The following ADPRS variants were observed in gnomAD, a reference collection of about 807,000 sequenced individuals.
ADPRS encodes ADP-ribosylhydrolase ARH3.
A neutral mutation model predicts 32.1 loss-of-function variants in ADPRS; 25 were observed. The ratio of observed to expected loss-of-function variants is 0.78; its 90% CI spans 0.57 to 1.09. The LOEUF is 1.09. ADPRS is among the 50% of genes least tolerant of loss of function. The pLI, the probability that ADPRS is intolerant of heterozygous loss-of-function variation, is 0.00. For synonymous variants in ADPRS, 225 were observed against 201.0 expected (o/e 1.12, Z -1.01); for missense variants, 482 against 480.6 (o/e 1.00, Z -0.03).
At chr1:36,091,851 G>C in intron 3 of ADPRS, 26 bp downstream of exon 3, 1 of 1,587,746 alleles carries the variant, frequency 6.3e-7, no homozygotes, top group East Asian at 2.3e-5. Context: ...TGGCTTCTGG[G>C]CTGTCCCCTT....
chr1:36,091,358 G>A lies in ADPRS; in HGVS notation c.308+18G>A, dbSNP rs2124053466. The A allele has an allele frequency of 1.9e-6, 3 of 1,611,964 alleles. No individual in the cohort carries two copies. The highest frequency in any genetic ancestry group is 2.5e-6 in the Non-Finnish European group (3 of 1,178,264). ...GCTCACAGGTGAGGGGGATGGTCCT[G>A]GGCTGAGGCAAACCAGGTGGGAAAG... On this transcript the variant is annotated intron_variant, in intron 2 of 5. Coordinates refer to ENST00000373178, the MANE Select transcript of ADPRS (RefSeq NM_017825.3).
Position 36,092,495 on chromosome 1 carries a change from A to G in ADPRS, c.775A>G (p.Thr259Ala). The G allele has an allele frequency of 6.2e-7, 1 of 1,614,160 alleles. No individual in the cohort carries two copies. Among genetic ancestry groups the G allele is most frequent in the Non-Finnish European group, 8.5e-7 (1 of 1,180,028 alleles). The change falls in exon 5 of 6, where the codon ACC becomes GCC. Residue 259 changes from threonine to alanine, a missense_variant. Thr to Ala is a moderately conservative substitution (Grantham distance 58). Transcript: ENST00000373178. Reference protein sequence around the residue: ...IGELLDQASVTREEVVSELGN... With the variant: ...IGELLDQASVAREEVVSELGN... Reference sequence around the variant, plus strand: ...AGAGCTTCTAGACCAGGCATCGGTGACCAGGGAGGAAGTGGTGTCTGAGCT... The same window carrying G: ...AGAGCTTCTAGACCAGGCATCGGTGGCCAGGGAGGAAGTGGTGTCTGAGCT...
At chr1:36,091,422 T>C in intron 2 of ADPRS, 82 bp downstream of exon 2, 2 of 1,390,620 alleles carry the variant, frequency 1.4e-6, no homozygotes, top group Non-Finnish European at 2.0e-6. Context: ...CATTTGTGCA[T>C]GTCCACGCCC....
chr1:36,091,586 A>G, intron 2 of ADPRS, 32 bp from the exon 3 acceptor site: 1 of 1,546,000 alleles, frequency 6.5e-7, no homozygotes, highest in Non-Finnish European at 8.8e-7. Context: ...CATCTTGTAA[A>G]TCTGAATTCT....
rs1643483322 is a variant in ADPRS, at chr1:36,091,522, G to A, written c.309-96G>A. 1.7e-5 allele frequency: 23 copies of A among 1,326,902 alleles called. No homozygotes were observed. The South Asian group carries it at 2.4e-4, about 14-fold the overall frequency. The allele number at this position is 1,326,902 out of a possible 1,614,324, so 82.2% of individuals were successfully genotyped here. A position where few individuals can be genotyped will look rare whatever the true frequency, so the allele number is the denominator to read the frequency against. On this transcript the variant is annotated intron_variant, in intron 2 of 5. Transcript: ENST00000373178. Reference sequence around the variant, plus strand: ...TGGTGCAGGCTCCTTAGGCCCCCGAGGCTTTCTCTTTTTCCAAACTAGCCT... The same window carrying A: ...TGGTGCAGGCTCCTTAGGCCCCCGAAGCTTTCTCTTTTTCCAAACTAGCCT...
At chr1:36,090,822 C>G (rs1317519333) in intron 1 of ADPRS, among the ~76,000 whole-genome samples, 1 of 151,920 alleles carries the variant, frequency 6.6e-6, no homozygotes, top group African/African-American at 2.4e-5. Context: ...TGCACTGCAG[C>G]TTAGGCAACA....
Position 36,091,226 on chromosome 1 carries a change from T to C in ADPRS, c.212-18T>C. 6.2e-7 allele frequency: 1 copy of C among 1,601,110 alleles called. No homozygotes were observed. The highest frequency in any genetic ancestry group is 2.2e-5 in the East Asian group (1 of 44,752). On this transcript the variant is annotated intron_variant, in intron 1 of 5. Transcript: ENST00000373178. ...AAAGGTGAGCAGGAGGCTCTCATCC[T>C]CCCTCCTCTCCCCACAGAAGCCTTG...
intron 2 of ADPRS, 80 bp from the exon 3 acceptor site, chr1:36,091,537 CA>C: frequency 7.1e-7 from 1 of 1,411,542 alleles, no homozygotes; most frequent in Non-Finnish European, 9.6e-7. Context: ...TCTCTTTTTC[CA>C]AACTAGCCTC....
chr1:36,092,572 C>A (rs372899778), intron 5 of ADPRS, 50 bp downstream of exon 5: 7 of 1,568,494 alleles, frequency 4.5e-6, no homozygotes, highest in South Asian at 1.1e-5. Context: ...CCTTCAGGGT[C>A]GGTCTTGGGC....
chr1:36,092,406 C>T lies in ADPRS; in HGVS notation c.702-16C>T. 1 of 1,613,286 alleles carries T rather than the reference C, an allele frequency of 6.2e-7. No homozygotes were observed. Among genetic ancestry groups the T allele is most frequent in the Non-Finnish European group, 8.5e-7 (1 of 1,179,288 alleles). On this transcript the variant is annotated splice_polypyrimidine_tract_variant and intron_variant, in intron 4 of 5. Coordinates refer to ENST00000373178, the MANE Select transcript of ADPRS (RefSeq NM_017825.3). ...CTGCTAGCTCTGACCTCCCTGAAAT[C>T]TCCCCTAAACCACAGGTTGGGCATG...
chr1:36,089,039 C>A lies in ADPRS; in HGVS notation c.135C>A (p.Thr45=), dbSNP rs759007491. 1.4e-6 allele frequency: 2 copies of A among 1,473,672 alleles called. No individual in the cohort carries two copies. Among genetic ancestry groups the A allele is most frequent in the South Asian group, 1.4e-5 (1 of 71,654 alleles). The allele number at this position is 1,473,672 out of a possible 1,614,324, so 91.3% of individuals were successfully genotyped here. A position where few individuals can be genotyped will look rare whatever the true frequency, so the allele number is the denominator to read the frequency against. ...GCTCCTTCTACGAGGCCCACGACACCGTCGACCTGACGTCAGTCCTGCGTC... is the reference window on the plus strand; with the variant it reads ...GCTCCTTCTACGAGGCCCACGACACAGTCGACCTGACGTCAGTCCTGCGTC... The part of the protein sequence containing the change: ...CVGSFYEAHD[T]VDLTSVLRHV... The change falls in exon 1 of 6, where the codon ACC becomes ACA. Residue 45 remains threonine, a synonymous_variant. Coordinates refer to ENST00000373178, the MANE Select transcript of ADPRS (RefSeq NM_017825.3).
rs1298441738 is a variant in ADPRS at position 36,091,349 on chromosome 1, G to C, written c.308+9G>C. On this transcript the variant is annotated intron_variant, in intron 2 of 5. Transcript: ENST00000373178. ...GTGGACATGGCTCACAGGTGAGGGG[G>C]ATGGTCCTGGGCTGAGGCAAACCAG... 1.2e-6 allele frequency: 2 copies of C among 1,613,730 alleles called. No homozygotes were observed. The highest frequency in any genetic ancestry group is 1.7e-5 in the Admixed American group (1 of 59,992).
intron 2 of ADPRS, 111 bp downstream of exon 2, chr1:36,091,451 C>T: frequency 8.0e-7 from 1 of 1,249,900 alleles, no homozygotes; most frequent in South Asian, 1.3e-5. Flanking sequence ...CCACAGAAGC[C>T]TGTGTCAGGC....
Position 36,093,088 on chromosome 1 carries a change from T to C in ADPRS, c.803-9T>C. ...AGCATGCAGCCCCTCTAACCTGGCT[T>C]CCCCACAGGGAATGGCATTGCTGCC... On this transcript the variant is annotated splice_polypyrimidine_tract_variant and intron_variant, in intron 5 of 5. Coordinates refer to ENST00000373178, the MANE Select transcript of ADPRS (RefSeq NM_017825.3). 1.2e-6 allele frequency: 2 copies of C among 1,610,922 alleles called. No individual in the cohort carries two copies. The highest frequency in any genetic ancestry group is 1.7e-6 in the Non-Finnish European group (2 of 1,177,562).
intron 2 of ADPRS, 27 bp downstream of exon 2, chr1:36,091,367 C>T: frequency 6.2e-7 from 1 of 1,606,136 alleles, no homozygotes; most frequent in Non-Finnish European, 8.5e-7. Flanking sequence ...TGGGCTGAGG[C>T]AAACCAGGTG....
In ADPRS at chr1:36,093,265, C is replaced by T; in HGVS notation, c.971C>T (p.Ala324Val). 6.2e-7 allele frequency: 1 copy of T among 1,614,238 alleles called. No homozygotes were observed. Among genetic ancestry groups the T allele is most frequent in the Non-Finnish European group, 8.5e-7 (1 of 1,180,054 alleles). Residue 324 changes from alanine (A) to valine (V), a missense_variant, in exon 6 of 6, where the codon GCC (alanine) becomes GTC (valine). Coordinates refer to ENST00000373178, the MANE Select transcript of ADPRS (RefSeq NM_017825.3). Reference sequence around the variant, plus strand: ...GACACCATTGCCACCATGGCTGGGGCCATTGCTGGTGCCTACTATGGGATG... The same window carrying T: ...GACACCATTGCCACCATGGCTGGGGTCATTGCTGGTGCCTACTATGGGATG... ...DTDTIATMAG[A>V]IAGAYYGMDQ... is the part of the protein sequence containing the mutation.
chr1:36,091,302 A>C lies in ADPRS; in HGVS notation c.270A>C (p.Leu90=). The C allele has an allele frequency of 6.2e-7, 1 of 1,614,188 alleles. No homozygotes were observed. The highest frequency in any genetic ancestry group is 8.5e-7 in the Non-Finnish European group (1 of 1,180,012). ...AMARALVQSL[L]AKEAFDEVDM... The stretch of plus-strand genomic sequence containing the variant: ...CCAGGGCCCTGGTGCAGTCCCTGCT[A>C]GCCAAGGAGGCCTTTGACGAGGTGG... Residue 90 remains leucine, a synonymous_variant, in exon 2 of 6, where the codon CTA becomes CTC. Coordinates refer to ENST00000373178, the MANE Select transcript of ADPRS (RefSeq NM_017825.3).
Position 36,093,462 on chromosome 1 carries a change from C to T in ADPRS, c.*76C>T. On this transcript the variant is annotated 3_prime_UTR_variant, in exon 6 of 6. Transcript: ENST00000373178. ...GCTCCAATCAGAAACCCTGCGCTTC[C>T]TTGAGTGTGGCTTCCCACTTTTCCT... 1 of 1,531,648 alleles carries T rather than the reference C, an allele frequency of 6.5e-7. No homozygotes were observed. Among genetic ancestry groups the T allele is most frequent in the Non-Finnish European group, 8.8e-7 (1 of 1,136,736 alleles). 94.9% of individuals were successfully genotyped at this position (1,531,648 alleles called of 1,614,324 possible).
At position 36,093,684 on chromosome 1, in the gene ADPRS, C is replaced by G; in HGVS notation, c.*298C>G. On this transcript the variant is annotated 3_prime_UTR_variant, in exon 6 of 6. Transcript: ENST00000373178. ...TTTGGAGGGGTACTTGTGGCATTTT[C>G]CTGTATTGTCTTGGACATGGGATGT... The G allele has an allele frequency of 2.6e-6, 1 of 380,606 alleles. No homozygotes were observed. Among genetic ancestry groups the G allele is most frequent in the Non-Finnish European group, 4.9e-6 (1 of 206,094 alleles). The allele number at this position is 380,606 out of a possible 1,614,324, so 23.6% of individuals were successfully genotyped here. A position where few individuals can be genotyped will look rare whatever the true frequency, so the allele number is the denominator to read the frequency against.
Sources: gnomAD v4.1 joint callset for allele counts (sites outside exome capture counted in the v4.1 genomes callset) on GRCh38, gnomAD v4.1.1 for gene constraint, MANE v1.5 for transcripts, NCBI Gene and HGNC (gene_info 2026-07-23, HGNC 2026-07-21) for gene names.